KLHL25: variants seen among roughly 807,000 people sequenced by gnomAD.
The protein encoded by KLHL25 is kelch-like protein 25.
Under a neutral mutation model 30.0 loss-of-function variants are expected in KLHL25, and 41 were observed. The observed-to-expected ratio is 1.37, with a 90% CI of 1.07 to 1.78. The LOEUF is 1.78. Ranked by LOEUF, KLHL25 falls within the 40% of genes most tolerant of loss-of-function variation. The pLI is 0.00. For missense variants in KLHL25, 971 were observed against 824.5 expected (o/e 1.18, Z -2.18); for synonymous variants, 399 against 355.3 (o/e 1.12, Z -1.38).
At chr15:85,763,026 C>G (rs1033333369) in intron 2 of KLHL25, 11 of 152,276 alleles carry the variant, frequency 7.2e-5, no homozygotes, top group African/African-American at 2.7e-4. Context: ...TTCGGCAGCC[C>G]CCCCATGCTG....
chr15:85,780,184 A>T (rs1934111573), intron 1 of KLHL25, among the ~76,000 whole-genome samples: 1 of 152,194 alleles, frequency 6.6e-6, no homozygotes, highest in Non-Finnish European at 1.5e-5. Context: ...GCTGGGAGTC[A>T]TCTGCAAGCC....
intron 1 of KLHL25, among the ~76,000 whole-genome samples, chr15:85,775,829 C>T (rs969110011): frequency 7.3e-5 from 10 of 136,482 alleles, no homozygotes; most frequent in South Asian, 5.1e-4. Flanking sequence ...TGTGTGAGGG[C>T]GCCCAGCCAG....
At chr15:85,781,759 C>G (rs1394279348) in intron 1 of KLHL25, among the ~76,000 whole-genome samples, 2 of 152,188 alleles carry the variant, frequency 1.3e-5, no homozygotes, top group Admixed American at 1.3e-4. Context: ...GTTGGGATTA[C>G]AGATGTGAGC....
intron 1 of KLHL25, among the ~76,000 whole-genome samples, chr15:85,792,077 C>T (rs1015032715): frequency 1.3e-5 from 2 of 152,154 alleles, no homozygotes; most frequent in Non-Finnish European, 2.9e-5. Flanking sequence ...CAGGTGTCAG[C>T]TTTTGACAGC....
At chr15:85,764,932 C>T (rs1354513297) in intron 2 of KLHL25, among the ~76,000 whole-genome samples, 7 of 152,352 alleles carry the variant, frequency 4.6e-5, no homozygotes, top group South Asian at 2.1e-4. Flanking sequence ...AAGTCACAAC[C>T]AAGACACCAT....
At chr15:85,792,700 T>C (rs944628017) in intron 1 of KLHL25, among the ~76,000 whole-genome samples, 9 of 152,164 alleles carry the variant, frequency 5.9e-5, no homozygotes, top group African/African-American at 2.2e-4. Flanking sequence ...AGGCTGGCAA[T>C]GAATTGGGCC....
At chr15:85,770,760 A>G (rs528557940) in intron 1 of KLHL25, among the ~76,000 whole-genome samples, 14 of 152,332 alleles carry the variant, frequency 9.2e-5, no homozygotes, top group Middle Eastern at 6.8e-3. Context: ...TCCTGGGCCA[A>G]CGCAGCGCCT....
At chr15:85,782,453 C>T (rs184852934) in intron 1 of KLHL25, among the ~76,000 whole-genome samples, 211 of 152,036 alleles carry the variant, frequency 1.4e-3, no homozygotes, top group African/African-American at 4.7e-3. Context: ...TGTGTTCAAT[C>T]GGTTCCCTTT....
intron 2 of KLHL25, chr15:85,764,438 AC>A (rs1367962490): frequency 6.6e-6 from 1 of 152,464 alleles, no homozygotes; most frequent in Non-Finnish European, 1.5e-5. Flanking sequence ...CTTAAGAGCA[AC>A]CCGGACTCAG....
chr15:85,764,936 A>G (rs2089609382), intron 2 of KLHL25, among the ~76,000 whole-genome samples: 1 of 152,222 alleles, frequency 6.6e-6, no homozygotes. Flanking sequence ...CACAACCAAG[A>G]CACCATGCAT....
At chr15:85,785,568 T>C (rs2089775851) in intron 1 of KLHL25, among the ~76,000 whole-genome samples, 3 of 152,068 alleles carry the variant, frequency 2.0e-5, no homozygotes, top group African/African-American at 7.2e-5. Flanking sequence ...AAAGTCCTTT[T>C]TTTTTTTTTC....
In KLHL25 at chr15:85,768,900, G is replaced by A. The variant is rs374890104; in HGVS notation, c.911C>T (p.Thr304Ile). Residue 304 changes from threonine (T) to isoleucine (I), a missense_variant, in exon 2 of 3, where the codon ACC becomes ATC. By Grantham distance (89) the Thr-to-Ile change is moderately conservative. Coordinates refer to ENST00000337975, the MANE Select transcript of KLHL25 (RefSeq NM_022480.4). ...CTGGTAGATCTTGTCACACATGAAGGTCTGGCCCCCCAGGATGAGTAGCGT... is the reference window on the plus strand; with the variant it reads ...CTGGTAGATCTTGTCACACATGAAGATCTGGCCCCCCAGGATGAGTAGCGT... ...GHTLLILGGQTFMCDKIYQVD... is the reference protein window; with the variant it reads ...GHTLLILGGQIFMCDKIYQVD... 1 of 1,613,364 alleles carries A rather than the reference G, an allele frequency of 6.2e-7. No individual in the cohort carries two copies. The highest frequency in any genetic ancestry group is 8.5e-7 in the Non-Finnish European group (1 of 1,180,048).
At chr15:85,788,462 G>T (rs1215812576) in intron 1 of KLHL25, among the ~76,000 whole-genome samples, 1 of 152,136 alleles carries the variant, frequency 6.6e-6, no homozygotes, top group African/African-American at 2.4e-5. Flanking sequence ...GGAGAGGGTC[G>T]GGGAGGACCT....
At chr15:85,766,164 G>T (rs1369690340) in intron 2 of KLHL25, among the ~76,000 whole-genome samples, 3 of 152,206 alleles carry the variant, frequency 2.0e-5, no homozygotes, top group Non-Finnish European at 4.4e-5. Flanking sequence ...GGGTTCCTAT[G>T]ACCTGAAGCT....
chr15:85,773,655 A>T (rs184058666), intron 1 of KLHL25, among the ~76,000 whole-genome samples: 1 of 152,290 alleles, frequency 6.6e-6, no homozygotes, highest in East Asian at 1.9e-4. Context: ...GCCTACACCC[A>T]GGACAGACCA....
rs141257399 is a variant in KLHL25, at chr15:85,783,869, T to C, written c.-11+10897A>G. On this transcript the variant is annotated intron_variant, in intron 1 of 2. Transcript: ENST00000337975. ...TGGTTTCAAATCCCAGCACTGCCATTGCTACCTGTAAAACTGGTCCAAGAT... is the reference window on the plus strand; with the variant it reads ...TGGTTTCAAATCCCAGCACTGCCATCGCTACCTGTAAAACTGGTCCAAGAT... 1.8e-3 allele frequency among the ~76,000 whole-genome samples: 268 copies of C among 152,292 alleles called. 2 individuals are homozygous for C. Among genetic ancestry groups the C allele is most frequent in the African/African-American group, 6.2e-3 (256 of 41,540 alleles).
intron 1 of KLHL25, among the ~76,000 whole-genome samples, chr15:85,777,906 T>C (rs2089719864): frequency 6.6e-6 from 1 of 152,212 alleles, no homozygotes; most frequent in Non-Finnish European, 1.5e-5. Context: ...AATGCACGAC[T>C]ATCATGTACC....
chr15:85,760,557 T>C lies in KLHL25; in HGVS notation c.*479A>G, dbSNP rs1270360702. ...CTGGTCTCAACCCCTGGGAACCTAG[T>C]TTCCCAGGCCCAGGACACCATCTAT... On this transcript the variant is annotated 3_prime_UTR_variant, in exon 3 of 3. Transcript: ENST00000337975. The C allele has an allele frequency of 6.6e-6, 1 of 152,204 alleles. No homozygotes were observed. Among genetic ancestry groups the C allele is most frequent in the Non-Finnish European group, 1.5e-5 (1 of 68,020 alleles). 9.4% of individuals were successfully genotyped at this position (152,204 alleles called of 1,614,324 possible). A position where few individuals can be genotyped will look rare whatever the true frequency, so the allele number is the denominator to read the frequency against.
At chr15:85,777,461 T>C (rs1258965259) in intron 1 of KLHL25, among the ~76,000 whole-genome samples, 2 of 152,138 alleles carry the variant, frequency 1.3e-5, no homozygotes, top group African/African-American at 2.4e-5. Flanking sequence ...CACATGGCCC[T>C]ACCCGTCAGC....
Sources: allele counts gnomAD v4.1 joint callset (sites outside exome capture counted in the v4.1 genomes callset), GRCh38; gene constraint gnomAD v4.1.1; transcripts MANE v1.5; gene names NCBI Gene and HGNC (gene_info 2026-07-23, HGNC 2026-07-21).